Variants in ABCA1 observed in about 807,000 individuals in gnomAD.
ABCA1 encodes ATP binding cassette subfamily A member 1.
Under a neutral mutation model 262.5 loss-of-function variants are expected in ABCA1, and 133 were observed. The observed-to-expected ratio is 0.51, with a 90% CI of 0.44 to 0.59. ABCA1 has a LOEUF of 0.59. Among genes scored for constraint, ABCA1 ranks in the 20% least tolerant of loss-of-function variants. The pLI is 0.00. For synonymous variants in ABCA1, 1,022 were observed against 1,043.5 expected (o/e 0.98, Z 0.40); for missense variants, 2,452 against 2,777.5 (o/e 0.88, Z 2.63).
At position 104,861,770 on chromosome 9, in the gene ABCA1, T is replaced by C. The variant is rs920799784; in HGVS notation, c.452A>G (p.Asn151Ser). 3 of 1,613,726 alleles carry C rather than the reference T, an allele frequency of 1.9e-6. No homozygotes were observed. Among genetic ancestry groups the C allele is most frequent in the Non-Finnish European group, 2.5e-6 (3 of 1,179,822 alleles). ...NLKLQDFLVD[N>S]ETFSGFLYHN... The stretch of plus-strand genomic sequence containing the variant: ...ATACAGGAACCCAGAGAAGGTTTCA[T>C]TGTCCACCAGGAAATCTTGAAGCTT... The change falls in exon 6 of 50, where the codon AAT becomes AGT. Residue 151 changes from asparagine to serine, a missense_variant. Transcript: ENST00000374736.
At chr9:104,916,643 C>T (rs1329337802) in intron 1 of ABCA1, among the ~76,000 whole-genome samples, 2 of 152,170 alleles carry the variant, frequency 1.3e-5, no homozygotes, top group Non-Finnish European at 2.9e-5. Flanking sequence ...ATTTAGCACG[C>T]CATTCTACCA....
rs1027238910 is a variant in ABCA1, at chr9:104,792,068, G to T, written c.5758-70C>A. The T allele has an allele frequency of 2.1e-5, 30 of 1,422,850 alleles. No individual in the cohort carries two copies. In the African/African-American group the frequency reaches 3.6e-4, roughly 17 times the overall value. The allele number at this position is 1,422,850 out of a possible 1,614,324, so 88.1% of individuals were successfully genotyped here. On this transcript the variant is annotated intron_variant, in intron 42 of 49. Coordinates refer to ENST00000374736, the MANE Select transcript of ABCA1 (RefSeq NM_005502.4). ...CAGCTCTCCCAAGCAACTGTGGAAG[G>T]CAGGACTATAAACCACATACACTGC...
intron 3 of ABCA1, among the ~76,000 whole-genome samples, chr9:104,884,895 G>A (rs1839017294): frequency 6.6e-6 from 1 of 152,204 alleles, no homozygotes; most frequent in South Asian, 2.1e-4. Context: ...AGGGGACTTG[G>A]GGATGCCCTA....
intron 5 of ABCA1, among the ~76,000 whole-genome samples, chr9:104,878,750 T>A (rs1294299155): frequency 6.6e-6 from 1 of 152,188 alleles, no homozygotes; most frequent in Non-Finnish European, 1.5e-5. Context: ...AACTGGTCTC[T>A]AAGGTCTCTT....
intron 7 of ABCA1, among the ~76,000 whole-genome samples, chr9:104,854,538 A>G (rs1298816845): frequency 1.3e-5 from 2 of 152,076 alleles, no homozygotes; most frequent in Non-Finnish European, 2.9e-5. Context: ...TCCTTCCTGC[A>G]GTCCAAAACA....
chr9:104,851,388 C>T (rs1005381824), intron 7 of ABCA1, among the ~76,000 whole-genome samples: 5 of 152,148 alleles, frequency 3.3e-5, no homozygotes, highest in African/African-American at 1.2e-4. Context: ...GCAGGCATCA[C>T]GTCTCATCGT....
intron 6 of ABCA1, among the ~76,000 whole-genome samples, chr9:104,860,242 C>A (rs1392744391): frequency 2.0e-5 from 3 of 152,014 alleles, no homozygotes; most frequent in African/African-American, 7.2e-5. Flanking sequence ...AAGGACCATC[C>A]AAGGACCATC....
chr9:104,869,316 G>C (rs1837385017), intron 5 of ABCA1, among the ~76,000 whole-genome samples: 1 of 152,064 alleles, frequency 6.6e-6, no homozygotes, highest in Admixed American at 6.6e-5. Flanking sequence ...CCCCTGGGGT[G>C]GGGGTGGGGT....
rs116654827 is a variant in ABCA1 at position 104,830,840 on chromosome 9, C to T, written c.1892+85G>A. 2.0e-4 allele frequency: 287 copies of T among 1,448,132 alleles called. No homozygotes were observed. In the African/African-American group the frequency reaches 3.7e-3, roughly 19 times the overall value. The allele number at this position is 1,448,132 out of a possible 1,614,324, so 89.7% of individuals were successfully genotyped here. On this transcript the variant is annotated intron_variant, in intron 14 of 49. Transcript: ENST00000374736. Reference sequence around the variant, plus strand: ...GCATCTTATTTCCAGATCATTCACACATGCATGCACATGCACACACATATA... The same window carrying T: ...GCATCTTATTTCCAGATCATTCACATATGCATGCACATGCACACACATATA...
chr9:104,829,908 C>A (rs4743762), intron 14 of ABCA1, among the ~76,000 whole-genome samples: 35,728 of 151,174 alleles, frequency 0.24, 6,179 homozygotes, highest in East Asian at 0.69. Context: ...AGAACCAATA[C>A]AAGCAGAACC....
chr9:104,910,147 G>GTGT (rs1841409026), intron 1 of ABCA1, among the ~76,000 whole-genome samples: 1 of 152,144 alleles, frequency 6.6e-6, no homozygotes, highest in Non-Finnish European at 1.5e-5. Context: ...AAGTCTCCAA[G>GTGT]CAGGGATCAT....
At chr9:104,793,844 A>G (rs1170140052) in intron 40 of ABCA1, among the ~76,000 whole-genome samples, 1 of 152,198 alleles carries the variant, frequency 6.6e-6, no homozygotes, top group East Asian at 1.9e-4. Flanking sequence ...AGTAAATAAC[A>G]TGGCCCATTT....
intron 2 of ABCA1, among the ~76,000 whole-genome samples, chr9:104,895,945 TG>T (rs1213972276): frequency 2.6e-5 from 4 of 152,194 alleles, no homozygotes; most frequent in African/African-American, 9.7e-5. Context: ...TTCTGAATCA[TG>T]GTAGCCAAAA....
intron 5 of ABCA1, among the ~76,000 whole-genome samples, chr9:104,862,636 G>GCCCCCCA (rs1836532053): frequency 7.7e-4 from 1 of 1,306 alleles, no homozygotes; most frequent in Non-Finnish European, 2.1e-3. Flanking sequence ...CAGACTGCCG[G>GCCCCCCA]GCCGGGCCGG....
chr9:104,793,063 A>T, intron 41 of ABCA1, 108 bp downstream of exon 41: 1 of 1,587,134 alleles, frequency 6.3e-7, no homozygotes, highest in East Asian at 2.2e-5. Flanking sequence ...CAGTTTTATC[A>T]CATATTTTGA....
intron 27 of ABCA1, 99 bp downstream of exon 27, chr9:104,814,019 T>C: frequency 8.1e-7 from 1 of 1,228,622 alleles, no homozygotes; most frequent in Non-Finnish European, 1.2e-6. Flanking sequence ...TAGGGATCTA[T>C]CACCTTGGCT....
chr9:104,831,583 C>G (rs1363816747), intron 13 of ABCA1, 39 bp downstream of exon 13: 2 of 1,559,328 alleles, frequency 1.3e-6, no homozygotes, highest in Non-Finnish European at 1.8e-6. Context: ...TGCTCTGGAC[C>G]TCCCCAAGAC....
chr9:104,914,319 A>C (rs1339320473), intron 1 of ABCA1, among the ~76,000 whole-genome samples: 4 of 151,724 alleles, frequency 2.6e-5, no homozygotes, highest in Admixed American at 1.3e-4. Flanking sequence ...TCCACTAAAA[A>C]TACAAAAAAG....
intron 11 of ABCA1, among the ~76,000 whole-genome samples, chr9:104,833,054 A>G (rs558890820): frequency 6.6e-6 from 1 of 152,340 alleles, no homozygotes; most frequent in East Asian, 1.9e-4. Context: ...TATACGAAAC[A>G]TCTCACTTAA....
Sources: allele counts gnomAD v4.1 joint callset (sites outside exome capture counted in the v4.1 genomes callset), GRCh38; gene constraint gnomAD v4.1.1; transcripts MANE v1.5; gene names NCBI Gene and HGNC (gene_info 2026-07-23, HGNC 2026-07-21).